The following USP34 variants were observed in gnomAD, a reference collection of about 807,000 sequenced individuals.
USP34 encodes ubiquitin specific peptidase 34.
A neutral mutation model predicts 460.3 loss-of-function variants in USP34; 70 were observed. The ratio of observed to expected loss-of-function variants is 0.15; its 90% confidence interval spans 0.13 to 0.19. The LOEUF is 0.19. Ranked by LOEUF, USP34 falls within the 10% of genes least tolerant of loss-of-function variation. USP34 has a pLI of 1.00. For synonymous variants in USP34, 1,647 were observed against 1,405.3 expected (o/e 1.17, Z -3.85); for missense variants, 3,985 against 4,236.2 (o/e 0.94, Z 1.65).
intron 48 of USP34, among the ~76,000 whole-genome samples, chr2:61,254,149 C>G (rs1211173322): frequency 2.0e-5 from 3 of 152,188 alleles, no homozygotes; most frequent in Admixed American, 6.5e-5. Context: ...CTGGAAAAAC[C>G]CAATGCTTTT....
rs1029411420 is a variant in USP34, at chr2:61,470,835, G to T, written c.-143C>A. 4 of 508,406 alleles carry T rather than the reference G, an allele frequency of 7.9e-6. No homozygotes were observed. Among genetic ancestry groups the T allele is most frequent in the Non-Finnish European group, 1.1e-5 (3 of 283,994 alleles). The allele number at this position is 508,406 out of a possible 1,614,324, so 31.5% of individuals were successfully genotyped here. ...GACTAGGGCGGGCGGCGGCGGGGAC[G>T]GGGCGGGGAGCAAGAGAATGGGGGA... On this transcript the variant is annotated 5_prime_UTR_variant, in exon 1 of 80. Transcript: ENST00000398571.
chr2:61,239,602 C>G (rs1251406173), intron 53 of USP34, among the ~76,000 whole-genome samples: 2 of 152,070 alleles, frequency 1.3e-5, no homozygotes, highest in Admixed American at 1.3e-4. Flanking sequence ...TTAGTAGCTT[C>G]AAATCTAATG....
chr2:61,385,941 A>C (rs2103877087), intron 5 of USP34, among the ~76,000 whole-genome samples: 1 of 150,358 alleles, frequency 6.7e-6, no homozygotes, highest in African/African-American at 2.4e-5. Flanking sequence ...AGGTTGCAGT[A>C]AGCTGAGATC....
chr2:61,316,238 A>G (rs1046362781), intron 23 of USP34, among the ~76,000 whole-genome samples: 1 of 152,038 alleles, frequency 6.6e-6, no homozygotes, highest in South Asian at 2.1e-4. Context: ...AAACCTATTC[A>G]GACAAGAAAA....
chr2:61,442,406 C>CAAAA (rs70963430), intron 1 of USP34, among the ~76,000 whole-genome samples: 3 of 121,448 alleles, frequency 2.5e-5, no homozygotes, highest in Non-Finnish European at 3.4e-5. Context: ...ATCTTAACAG[C>CAAAA]AAAAAAAAAA....
At chr2:61,283,024 A>T in intron 37 of USP34, 121 bp downstream of exon 37, 1 of 990,884 alleles carries the variant, frequency 1.0e-6, no homozygotes, top group Non-Finnish European at 1.5e-6. Context: ...AGGATTAAGC[A>T]GATAATGTGA....
chr2:61,364,294 T>C (rs1692363502), intron 10 of USP34, among the ~76,000 whole-genome samples: 2 of 152,146 alleles, frequency 1.3e-5, no homozygotes, highest in Non-Finnish European at 2.9e-5. Flanking sequence ...CCCAGGAGTT[T>C]TGAGGCTGCA....
chr2:61,340,635 G>T (rs2103755930), intron 16 of USP34, among the ~76,000 whole-genome samples: 1 of 152,204 alleles, frequency 6.6e-6, no homozygotes, highest in South Asian at 2.1e-4. Context: ...GTATGTGGTA[G>T]AATCTCATTG....
chr2:61,386,474 G>T (rs1416340147), intron 5 of USP34, among the ~76,000 whole-genome samples: 1 of 152,064 alleles, frequency 6.6e-6, no homozygotes, highest in Non-Finnish European at 1.5e-5. Flanking sequence ...ATCAAGGTAA[G>T]CAAGAAAAAA....
At chr2:61,299,652 G>A (rs1304502448) in intron 29 of USP34, among the ~76,000 whole-genome samples, 1 of 150,322 alleles carries the variant, frequency 6.7e-6, no homozygotes, top group Non-Finnish European at 1.5e-5. Context: ...TCAGGACGCT[G>A]AGGCAGCAGG....
chr2:61,258,758 T>A (rs539722923), intron 44 of USP34, among the ~76,000 whole-genome samples: 1 of 152,162 alleles, frequency 6.6e-6, no homozygotes, highest in Non-Finnish European at 1.5e-5. Context: ...AGATTTACTA[T>A]CTTTTTAAAA....
At chr2:61,322,677 T>A (rs1349145868) in intron 21 of USP34, among the ~76,000 whole-genome samples, 1 of 152,222 alleles carries the variant, frequency 6.6e-6, no homozygotes, top group Non-Finnish European at 1.5e-5. Context: ...ATATTCACCC[T>A]AGTAGCAGTA....
In USP34 at chr2:61,348,119, G is replaced by C. The variant is rs1196631602; in HGVS notation, c.2036C>G (p.Thr679Ser). 2.5e-6 allele frequency: 4 copies of C among 1,614,058 alleles called. No individual in the cohort carries two copies. The highest frequency in any genetic ancestry group is 1.1e-5 in the South Asian group (1 of 91,086). The change falls in exon 15 of 80, where the codon ACT (threonine) becomes AGT (serine). Residue 679 changes from threonine (T) to serine (S), a missense_variant. This residue lies in a region of USP34 where 716 missense variants were observed against 626.2 expected (regional missense o/e 1.14). Coordinates refer to ENST00000398571, the MANE Select transcript of USP34 (RefSeq NM_014709.4). The stretch of plus-strand genomic sequence containing the variant: ...ATTATCTACTGATGGCAATGATTCA[G>C]TGTTAAAAACCAGGTCCTTTCCTGT... Reference protein sequence around the residue: ...SGTGKDLVFNTESLPSVDNRM... With the variant: ...SGTGKDLVFNSESLPSVDNRM...
At chr2:61,215,428 T>G (rs2103795062) in intron 67 of USP34, among the ~76,000 whole-genome samples, 1 of 152,336 alleles carries the variant, frequency 6.6e-6, no homozygotes, top group Middle Eastern at 3.4e-3. Context: ...TTAGAAGTCT[T>G]TTAAGGCTAA....
chr2:61,190,697 G>GCACGGAAAAAACTTA lies in USP34; in HGVS notation c.9589-54_9589-40dup, dbSNP rs749012671. On this transcript the variant is annotated intron_variant, in intron 76 of 79. Transcript: ENST00000398571. ...AAGATGGTTGAGCACTTACGGTTGA[G>GCACGGAAAAAACTTA]CACGGAAAAAACTTACACGGAAAAA... The GCACGGAAAAAACTTA allele has an allele frequency of 6.7e-5, 105 of 1,576,994 alleles. No individual in the cohort carries two copies. In the East Asian group the frequency reaches 1.1e-3, roughly 17 times the overall value.
chr2:61,443,736 C>T lies in USP34; in HGVS notation c.44-22903G>A, dbSNP rs79903118. On this transcript the variant is annotated intron_variant, in intron 1 of 79. Coordinates refer to ENST00000398571, the MANE Select transcript of USP34 (RefSeq NM_014709.4). Reference sequence around the variant, plus strand: ...GGTAGTGAAACTACTTTGTACGACACTGTACTGGTGGATATGTTATTACAC... The same window carrying T: ...GGTAGTGAAACTACTTTGTACGACATTGTACTGGTGGATATGTTATTACAC... 6.1e-3 allele frequency among the ~76,000 whole-genome samples: 934 copies of T among 152,242 alleles called. 2 individuals are homozygous for T. The highest frequency in any genetic ancestry group is 9.7e-3 in the Non-Finnish European group (659 of 68,018).
chr2:61,200,511 A>T (rs1377992810), intron 75 of USP34: 5 of 152,228 alleles, frequency 3.3e-5, no homozygotes, highest in Non-Finnish European at 5.9e-5. Flanking sequence ...TCCTCTAACC[A>T]ATCTTAAGAT....
At chr2:61,388,292 T>A (rs1416569075) in intron 5 of USP34, among the ~76,000 whole-genome samples, 1 of 151,536 alleles carries the variant, frequency 6.6e-6, no homozygotes, top group Non-Finnish European at 1.5e-5. Flanking sequence ...CCATTAGAAA[T>A]CTATAAAAAA....
intron 62 of USP34, among the ~76,000 whole-genome samples, chr2:61,226,196 C>G (rs144152230): frequency 6.6e-6 from 1 of 152,252 alleles, no homozygotes; most frequent in East Asian, 1.9e-4. Flanking sequence ...ACAGCATACA[C>G]CGTGAAAAGT....
Sources: gnomAD v4.1 joint callset for allele counts (sites outside exome capture counted in the v4.1 genomes callset) on GRCh38, gnomAD v4.1.1 for gene constraint, gnomAD v4.1.1 regional missense constraint, MANE v1.5 for transcripts, NCBI Gene and HGNC (gene_info 2026-07-23, HGNC 2026-07-21) for gene names.